RBM27: variants seen among roughly 807,000 people sequenced by gnomAD.
RBM27 encodes the protein RNA-binding protein 27.
Under a neutral mutation model 135.3 loss-of-function variants are expected in RBM27, and 22 were observed. The ratio of observed to expected loss-of-function variants is 0.16; its 90% CI spans 0.12 to 0.23. The LOEUF (loss-of-function observed/expected upper bound fraction) is 0.23, where lower values mean the gene tolerates loss of function less well. Ranked by LOEUF, RBM27 falls within the 10% of genes least tolerant of loss-of-function variation. RBM27 has a pLI of 1.00. For synonymous variants in RBM27, 481 were observed against 442.4 expected, an observed-to-expected ratio of 1.09 and a Z score of -1.10; for missense variants, 1,009 against 1,281.0, an observed-to-expected ratio of 0.79 and a Z score of 3.24.
At chr5:146,275,320 A>C (rs1244774726) in intron 19 of RBM27, among the ~76,000 whole-genome samples, 6 of 151,434 alleles carry the variant, frequency 4.0e-5, no homozygotes, top group Non-Finnish European at 5.9e-5. Context: ...CCCAGGCTGG[A>C]GTGCAGTGGT....
Position 146,237,404 on chromosome 5 carries a change from C to T in RBM27, c.1251C>T (p.Pro417=), listed in dbSNP as rs1757214282. ...SVGTRLPPPL[P]QNLLYTVSER... ...GAACAAGACTACCTCCTCCTTTACC[C>T]CAGAACCTCCTTTACACAGTATCAG... The change falls in exon 8 of 21, where the codon CCC becomes CCT. Residue 417 remains proline, a synonymous_variant. Coordinates refer to ENST00000265271, the MANE Select transcript of RBM27 (RefSeq NM_018989.2). 16 of 1,614,052 alleles carry T rather than the reference C, an allele frequency of 9.9e-6. No homozygotes were observed. The highest frequency in any genetic ancestry group is 1.6e-4 in the Middle Eastern group (1 of 6,062).
At chr5:146,224,352 A>C (rs939076500) in intron 3 of RBM27, among the ~76,000 whole-genome samples, 1 of 152,220 alleles carries the variant, frequency 6.6e-6, no homozygotes, top group East Asian at 1.9e-4. Context: ...TGAAGGTAAA[A>C]TGAATTTTTA....
chr5:146,237,390 C>T lies in RBM27; in HGVS notation c.1237C>T (p.Pro413Ser), dbSNP rs1055639391. ...PNLASVGTRL[P>S]PPLPQNLLYT... ...TCTTGCATCAGTGGGAACAAGACTA[C>T]CTCCTCCTTTACCCCAGAACCTCCT... is the stretch of plus-strand genomic sequence containing the variant. Residue 413 changes from proline to serine, a missense_variant, in exon 8 of 21, where the codon CCT becomes TCT. This residue lies in a region of RBM27 where 329 missense variants were observed against 368.1 expected (regional missense o/e 0.89). Coordinates refer to ENST00000265271, the MANE Select transcript of RBM27 (RefSeq NM_018989.2). 1.9e-6 allele frequency: 3 copies of T among 1,613,822 alleles called. No homozygotes were observed. Among genetic ancestry groups the T allele is most frequent in the African/African-American group, 1.3e-5 (1 of 74,928 alleles).
At chr5:146,285,287 C>A (rs1025299758) in intron 20 of RBM27, among the ~76,000 whole-genome samples, 3 of 152,050 alleles carry the variant, frequency 2.0e-5, no homozygotes, top group Non-Finnish European at 2.9e-5. Context: ...AACACTTAGG[C>A]TATATTGCGA....
At chr5:146,226,377 T>C (rs970675674) in intron 3 of RBM27, among the ~76,000 whole-genome samples, 3 of 151,904 alleles carry the variant, frequency 2.0e-5, no homozygotes, top group African/African-American at 7.3e-5. Context: ...TTATCTTGAG[T>C]TTATTTATTT....
At position 146,233,726 on chromosome 5, in the gene RBM27, T is replaced by A; in HGVS notation, c.1127T>A (p.Val376Asp). Reference protein sequence around the residue: ...PQGHGQPPPSVVLPIPRPPIT... With the variant: ...PQGHGQPPPSDVLPIPRPPIT... Reference sequence around the variant, plus strand: ...GGACATGGTCAGCCTCCACCATCCGTTGTGCTTCCCATACCAAGTAAGTAT... The same window carrying A: ...GGACATGGTCAGCCTCCACCATCCGATGTGCTTCCCATACCAAGTAAGTAT... Residue 376 changes from valine to aspartate, a missense_variant, in exon 7 of 21, where the codon GTT becomes GAT. Transcript: ENST00000265271. 1.4e-6 allele frequency: 2 copies of A among 1,444,422 alleles called. No individual in the cohort carries two copies. Among genetic ancestry groups the A allele is most frequent in the Non-Finnish European group, 1.8e-6 (2 of 1,096,610 alleles). The allele number at this position is 1,444,422 out of a possible 1,614,324, so 89.5% of individuals were successfully genotyped here.
At chr5:146,204,169 G>A (rs57722184) in intron 1 of RBM27, among the ~76,000 whole-genome samples, 20,882 of 152,138 alleles carry the variant, frequency 0.14, 2,444 homozygotes, top group African/African-American at 0.32. Context: ...GGCTCTTGAG[G>A]GATTTTTAAA....
In RBM27 at chr5:146,225,199, C is replaced by T. The variant is rs568995988; in HGVS notation, c.303+1672C>T. Among the ~76,000 whole-genome samples, 15 of 152,046 alleles carry T rather than the reference C, an allele frequency of 9.9e-5. No homozygotes were observed. The East Asian group carries it at 1.7e-3, about 18-fold the overall frequency. On this transcript the variant is annotated intron_variant, in intron 3 of 20. Coordinates refer to ENST00000265271, the MANE Select transcript of RBM27 (RefSeq NM_018989.2). ...CTGGTCTTGAACTCCTGAGCTTAAGCGATCCTCCTGACTTGGCCTCCCGAA... is the reference window on the plus strand; with the variant it reads ...CTGGTCTTGAACTCCTGAGCTTAAGTGATCCTCCTGACTTGGCCTCCCGAA...
intron 1 of RBM27, among the ~76,000 whole-genome samples, chr5:146,209,988 C>T (rs576693391): frequency 1.3e-5 from 2 of 152,250 alleles, no homozygotes; most frequent in South Asian, 4.1e-4. Flanking sequence ...CCTTTTTAGC[C>T]CTGTGTTTCT....
chr5:146,216,690 C>T (rs1422360050), intron 1 of RBM27, among the ~76,000 whole-genome samples: 1 of 152,176 alleles, frequency 6.6e-6, no homozygotes, highest in Non-Finnish European at 1.5e-5. Context: ...CAGGGTCTCA[C>T]TGTGTATCCC....
intron 3 of RBM27, among the ~76,000 whole-genome samples, chr5:146,224,489 C>G (rs1019003217): frequency 4.5e-4 from 69 of 152,134 alleles, no homozygotes; most frequent in African/African-American, 1.6e-3. Flanking sequence ...TGAGATCAGC[C>G]TGGCCAACAT....
chr5:146,228,838 C>A, intron 3 of RBM27, 108 bp from the exon 4 acceptor site: 1 of 721,306 alleles, frequency 1.4e-6, no homozygotes. Context: ...GTCTCAATAT[C>A]CTGGCCTCAA....
intron 8 of RBM27, among the ~76,000 whole-genome samples, chr5:146,240,290 TTCTATCTGTCTGTCTG>T (rs1757349075): frequency 6.8e-6 from 1 of 146,582 alleles, no homozygotes; most frequent in Admixed American, 6.7e-5. Flanking sequence ...GATTGCTGTT[TTCTATCTGTCTGTCTG>T]TCTGTCTGTC....
chr5:146,258,709 A>G (rs1397345800), intron 11 of RBM27, 116 bp downstream of exon 11: 12 of 877,090 alleles, frequency 1.4e-5, no homozygotes, highest in Middle Eastern at 3.0e-4. Flanking sequence ...TCTTGAAGTT[A>G]GGGTTCCAGG....
intron 2 of RBM27, among the ~76,000 whole-genome samples, chr5:146,221,497 A>C (rs547792211): frequency 5.9e-5 from 9 of 152,206 alleles, no homozygotes; most frequent in African/African-American, 2.2e-4. Flanking sequence ...ACAGTGGTGC[A>C]ATCTCAGCTC....
Position 146,284,628 on chromosome 5 carries a change from A to G in RBM27, c.2995A>G (p.Asn999Asp). ...CTTCTAATATATATTTTAGACCGCA[A>G]ACCAAGGGCCAAAATTTAAAGACCG... ...EDLLQHFSTA[N>D]QGPKFKDRRL... Residue 999 changes from asparagine (N) to aspartate (D), a missense_variant, in exon 20 of 21, where the codon AAC becomes GAC. Asn to Asp is a conservative substitution (Grantham distance 23). Coordinates refer to ENST00000265271, the MANE Select transcript of RBM27 (RefSeq NM_018989.2). 1 of 1,610,962 alleles carries G rather than the reference A, an allele frequency of 6.2e-7. No homozygotes were observed. Among genetic ancestry groups the G allele is most frequent in the Non-Finnish European group, 8.5e-7 (1 of 1,177,898 alleles).
chr5:146,250,806 T>C (rs1757852397), intron 8 of RBM27, among the ~76,000 whole-genome samples: 1 of 144,906 alleles, frequency 6.9e-6, no homozygotes, highest in African/African-American at 2.6e-5. Context: ...AGACAGAGTC[T>C]TACTCTGTCG....
Position 146,284,689 on chromosome 5 carries a change from C to T in RBM27, c.3056C>T (p.Pro1019Leu). ...ATATCATGGCACAAGCCCAAGGTAC[C>T]ATCTATATCCACTGAGACTGAAGAA... is the stretch of plus-strand genomic sequence containing the variant. ...LQISWHKPKV[P>L]SISTETEEEE... Residue 1019 changes from proline to leucine, a missense_variant, in exon 20 of 21, where the codon CCA (proline) becomes CTA (leucine). This residue lies in a region of RBM27 where 355 missense variants were observed against 427.3 expected (regional missense o/e 0.83). Transcript: ENST00000265271. 1.2e-6 allele frequency: 2 copies of T among 1,612,950 alleles called. No individual in the cohort carries two copies. Among genetic ancestry groups the T allele is most frequent in the Non-Finnish European group, 8.5e-7 (1 of 1,179,496 alleles).
At chr5:146,233,827 A>G (rs1252938033) in intron 7 of RBM27, 84 bp downstream of exon 7, 2 of 954,428 alleles carry the variant, frequency 2.1e-6, no homozygotes, top group Non-Finnish European at 2.9e-6. Context: ...ACTCGTTTAA[A>G]GTGTTTGAGA....
Sources: gnomAD v4.1 joint callset for allele counts (sites outside exome capture counted in the v4.1 genomes callset) on GRCh38, gnomAD v4.1.1 for gene constraint, gnomAD v4.1.1 regional missense constraint, MANE v1.5 for transcripts, NCBI Gene and HGNC (gene_info 2026-07-23, HGNC 2026-07-21) for gene names.